PFKM: variants seen among roughly 807,000 people sequenced by gnomAD.
PFKM encodes the protein ATP-dependent 6-phosphofructokinase, muscle type.
A neutral mutation model predicts 95.5 loss-of-function variants in PFKM; 58 were observed. That is an observed-to-expected ratio of 0.61 (90% CI 0.49 to 0.76). PFKM has a LOEUF of 0.76. PFKM is among the 30% of genes least tolerant of loss of function. The pLI, the probability that PFKM is intolerant of heterozygous loss-of-function variation, is 0.00. For missense variants in PFKM, 678 were observed against 1,005.4 expected (o/e 0.67, Z 4.40); for synonymous variants, 336 against 357.2 (o/e 0.94, Z 0.67).
chr12:48,119,351 C>A (rs886049452), upstream of PFKM: 4 of 985,280 alleles, frequency 4.1e-6, no homozygotes, highest in Non-Finnish European at 4.8e-6. Flanking sequence ...CCCCTCCCCC[C>A]TTTCCCAAGG....
intron 10 of PFKM, among the ~76,000 whole-genome samples, chr12:48,135,723 G>A (rs1440418909): frequency 6.6e-6 from 1 of 152,096 alleles, no homozygotes; most frequent in East Asian, 1.9e-4. Context: ...CCTTTGCCCA[G>A]TTTCTTTCAA....
intron 1 of PFKM, chr12:48,106,331 T>C (rs1388045720): frequency 3.6e-6 from 2 of 561,658 alleles, no homozygotes; most frequent in Non-Finnish European, 6.3e-6. Flanking sequence ...CCCTTCGTCC[T>C]ATGCTTTTCT....
At chr12:48,106,261 T>A in intron 1 of PFKM, 1 of 611,018 alleles carries the variant, frequency 1.6e-6, no homozygotes, top group South Asian at 1.9e-5. Flanking sequence ...TCGTAATTTC[T>A]CAGTACCCTT....
At chr12:48,127,487 A>G (rs1948979529) in intron 2 of PFKM, among the ~76,000 whole-genome samples, 1 of 152,152 alleles carries the variant, frequency 6.6e-6, no homozygotes. Context: ...CAATCACGGG[A>G]CATTTTCTCC....
intron 2 of PFKM, chr12:48,107,516 A>G: frequency 2.7e-6 from 3 of 1,091,230 alleles, no homozygotes; most frequent in Non-Finnish European, 4.2e-6. Context: ...CAAGAAGTCT[A>G]AATACAGGAT....
intron 2 of PFKM, among the ~76,000 whole-genome samples, chr12:48,107,786 T>G (rs1946825607): frequency 6.6e-6 from 1 of 152,198 alleles, no homozygotes; most frequent in African/African-American, 2.4e-5. Flanking sequence ...GAATCTTTAT[T>G]GTCATTATAA....
chr12:48,105,934 G>A (rs1302599361), exon 1 of PFKM: 1 of 685,848 alleles, frequency 1.5e-6, no homozygotes, highest in Non-Finnish European at 2.7e-6. Context: ...CTTCCGCCCA[G>A]TCCAGCCCGG....
intron 13 of PFKM, 29 bp from the exon 14 acceptor site, chr12:48,140,693 C>G: frequency 6.2e-7 from 1 of 1,613,782 alleles, no homozygotes; most frequent in Non-Finnish European, 8.5e-7. Flanking sequence ...GGTTTCTGTC[C>G]TCATTTTTCC....
chr12:48,138,024 G>A (rs189039238), intron 11 of PFKM, among the ~76,000 whole-genome samples, 178 bp downstream of exon 11: 2 of 152,306 alleles, frequency 1.3e-5, no homozygotes, highest in Non-Finnish European at 2.9e-5. Flanking sequence ...TCTTAACTAA[G>A]CTTCAGTGTT....
chr12:48,120,832 T>C (rs1287876339), intron 1 of PFKM, among the ~76,000 whole-genome samples: 2 of 152,204 alleles, frequency 1.3e-5, no homozygotes, highest in Non-Finnish European at 2.9e-5. Context: ...AACCCTCTTA[T>C]CAGTGCGTAC....
intron 5 of PFKM, 55 bp downstream of exon 5, chr12:48,133,112 T>TACAC: frequency 6.7e-7 from 1 of 1,503,206 alleles, no homozygotes. Flanking sequence ...TGCACGCGTG[T>TACAC]ACACACACAC....
chr12:48,138,849 T>C (rs1950331859), intron 11 of PFKM, among the ~76,000 whole-genome samples: 1 of 151,954 alleles, frequency 6.6e-6, no homozygotes, highest in African/African-American at 2.4e-5. Flanking sequence ...GGTCAGGAGA[T>C]TGAGACCATC....
At chr12:48,116,077 A>G (rs1393019674), upstream of PFKM, among the ~76,000 whole-genome samples, 2 of 152,040 alleles carry the variant, frequency 1.3e-5, no homozygotes, top group African/African-American at 2.4e-5. Context: ...CAATTTGTTC[A>G]CATCCGCTGT....
chr12:48,142,105 G>A, intron 17 of PFKM, 39 bp downstream of exon 17: 1 of 1,596,794 alleles, frequency 6.3e-7, no homozygotes, highest in African/African-American at 1.3e-5. Context: ...TTTTGGCCAG[G>A]ATTATAATCC....
At chr12:48,134,425 C>A in intron 7 of PFKM, 149 bp downstream of exon 7, 1 of 763,070 alleles carries the variant, frequency 1.3e-6, no homozygotes, top group East Asian at 2.6e-5. Flanking sequence ...GCCTCCATCC[C>A]CTCTGTTACA....
At chr12:48,106,222 C>T in intron 1 of PFKM, 3 of 656,220 alleles carry the variant, frequency 4.6e-6, no homozygotes, top group Non-Finnish European at 5.6e-6. Flanking sequence ...TGGCGAGGCC[C>T]GAGAAGCGAA....
chr12:48,107,504 C>T (rs1946790344), intron 2 of PFKM: 1 of 1,204,718 alleles, frequency 8.3e-7, no homozygotes, highest in African/African-American at 1.5e-5. Flanking sequence ...TGGGTTCTCT[C>T]ACAAGAAGTC....
At chr12:48,126,741 A>G (rs1428808424) in intron 2 of PFKM, among the ~76,000 whole-genome samples, 1 of 152,182 alleles carries the variant, frequency 6.6e-6, no homozygotes, top group African/African-American at 2.4e-5. Flanking sequence ...GAAATTACAA[A>G]TTCATACTCC....
At chr12:48,139,578 T>C (rs1040989817) in intron 12 of PFKM, 1 of 617,828 alleles carries the variant, frequency 1.6e-6, no homozygotes, top group South Asian at 1.9e-5. Flanking sequence ...TATTTCTATA[T>C]GTGAGCCCCA....
Sources: gnomAD v4.1 joint callset for allele counts (sites outside exome capture counted in the v4.1 genomes callset) on GRCh38, gnomAD v4.1.1 for gene constraint, MANE v1.5 for transcripts, NCBI Gene and HGNC (gene_info 2026-07-23, HGNC 2026-07-21) for gene names.